The following TRIM58 variants were observed in gnomAD, a reference collection of about 807,000 sequenced individuals.
TRIM58 encodes the protein tripartite motif containing 58.
TRIM58 carries 38 observed loss-of-function variants against 34.1 expected under a neutral mutation model. The observed-to-expected ratio is 1.12, with a 90% CI of 0.86 to 1.46. The LOEUF (loss-of-function observed/expected upper bound fraction) is 1.46, where lower values mean the gene tolerates loss of function less well. Among genes scored for constraint, TRIM58 ranks in the 40% most tolerant of loss-of-function variants. The pLI is 0.00. For synonymous variants in TRIM58, 273 were observed against 275.7 expected, an observed-to-expected ratio of 0.99 and a Z score of 0.10; for missense variants, 677 against 642.0, an observed-to-expected ratio of 1.05 and a Z score of -0.59.
At chr1:247,860,804 C>T in intron 2 of TRIM58, 92 bp downstream of exon 2, 1 of 1,017,104 alleles carries the variant, frequency 9.8e-7, no homozygotes, top group South Asian at 1.4e-5. Context: ...TTCTCCAGCA[C>T]TTTTGTTCCA....
At chr1:247,861,635 CCTT>C (rs1663795079) in intron 2 of TRIM58, among the ~76,000 whole-genome samples, 1 of 151,874 alleles carries the variant, frequency 6.6e-6, no homozygotes, top group Non-Finnish European at 1.5e-5. Context: ...TCCAAATAAC[CCTT>C]CTTTTCTGAT....
At chr1:247,873,475 T>G (rs1343395044) in intron 5 of TRIM58, among the ~76,000 whole-genome samples, 1 of 152,174 alleles carries the variant, frequency 6.6e-6, no homozygotes, top group Non-Finnish European at 1.5e-5. Context: ...CCTGTTAGAT[T>G]GTGTTAAATG....
intron 5 of TRIM58, among the ~76,000 whole-genome samples, chr1:247,869,588 G>A (rs73139866): frequency 0.018 from 2,692 of 152,280 alleles, 80 homozygotes; most frequent in African/African-American, 0.061. Flanking sequence ...TAGGTATGGT[G>A]CCTCCTGCAC....
intron 5 of TRIM58, among the ~76,000 whole-genome samples, chr1:247,872,676 A>G (rs1236073336): frequency 6.6e-6 from 1 of 152,198 alleles, no homozygotes; most frequent in Non-Finnish European, 1.5e-5. Flanking sequence ...CAGTCAGCAT[A>G]TGAATGGAAT....
intron 3 of TRIM58, among the ~76,000 whole-genome samples, chr1:247,866,159 C>CT (rs1020154390): frequency 1.3e-5 from 2 of 151,802 alleles, no homozygotes; most frequent in African/African-American, 4.8e-5. Flanking sequence ...AATACAAGAA[C>CT]TTTGACGGTT....
chr1:247,872,771 T>C (rs139892209), intron 5 of TRIM58, among the ~76,000 whole-genome samples: 100 of 152,186 alleles, frequency 6.6e-4, no homozygotes, highest in African/African-American at 2.3e-3. Context: ...CTTGGGACTA[T>C]AGGTTTCTCC....
chr1:247,877,192 T>A lies in TRIM58; in HGVS notation c.*703T>A, dbSNP rs1054366742. The A allele has an allele frequency of 1.3e-5, 2 of 152,070 alleles. No homozygotes were observed. The highest frequency in any genetic ancestry group is 4.8e-5 in the African/African-American group (2 of 41,340). The allele number at this position is 152,070 out of a possible 1,614,324, so 9.4% of individuals were successfully genotyped here. A position where few individuals can be genotyped will look rare whatever the true frequency, so the allele number is the denominator to read the frequency against. ...AATCTAATATCACTAACTCCTAGAC[T>A]TTTTCCGTTTTCTTTGGATACACTT... On this transcript the variant is annotated 3_prime_UTR_variant, in exon 6 of 6. Coordinates refer to ENST00000366481, the MANE Select transcript of TRIM58 (RefSeq NM_015431.4).
chr1:247,858,860 T>G (rs1392551572), intron 1 of TRIM58, among the ~76,000 whole-genome samples: 1 of 145,288 alleles, frequency 6.9e-6, no homozygotes, highest in Non-Finnish European at 1.5e-5. Context: ...TCCCGGGTCC[T>G]GGTGCAAGCA....
intron 5 of TRIM58, among the ~76,000 whole-genome samples, chr1:247,869,765 T>C (rs75070952): frequency 0.028 from 4,317 of 152,304 alleles, 220 homozygotes; most frequent in African/African-American, 0.099. Context: ...CCCCTTTCCC[T>C]ATGAATGTTT....
In TRIM58 at chr1:247,857,520, G is replaced by A; in HGVS notation, c.274G>A (p.Gly92Arg). The change falls in exon 1 of 6, where the codon GGG becomes AGG. Residue 92 changes from glycine (G) to arginine (R), a missense_variant. Coordinates refer to ENST00000366481, the MANE Select transcript of TRIM58 (RefSeq NM_015431.4). Reference sequence around the variant, plus strand: ...GCGGCTGGGGTTGGGCGCGGGGCCCGGGGCGCGGCGATGCGCGCGGCACGG... The same window carrying A: ...GCGGCTGGGGTTGGGCGCGGGGCCCAGGGCGCGGCGATGCGCGCGGCACGG... The part of the protein sequence containing the change: ...VRRLGLGAGP[G>R]ARRCARHGED... 7.8e-7 allele frequency: 1 copy of A among 1,285,660 alleles called. No individual in the cohort carries two copies. The highest frequency in any genetic ancestry group is 2.7e-5 in the South Asian group (1 of 36,516). The allele number at this position is 1,285,660 out of a possible 1,614,324, so 79.6% of individuals were successfully genotyped here. A position where few individuals can be genotyped will look rare whatever the true frequency, so the allele number is the denominator to read the frequency against.
At position 247,864,751 on chromosome 1, in the gene TRIM58, A is replaced by T. The variant is rs757135493; in HGVS notation, c.563A>T (p.Lys188Met). ...QRQRFRLEFE[K>M]HRGFLAQEEQ... Reference sequence around the variant, plus strand: ...CAGCGCTTCAGATTGGAGTTTGAGAAGCATCGTGGCTTTCTGGCCCAGGAG... The same window carrying T: ...CAGCGCTTCAGATTGGAGTTTGAGATGCATCGTGGCTTTCTGGCCCAGGAG... Residue 188 changes from lysine to methionine, a missense_variant, in exon 3 of 6, where the codon AAG becomes ATG. Transcript: ENST00000366481. 1 of 1,614,192 alleles carries T rather than the reference A, an allele frequency of 6.2e-7. No individual in the cohort carries two copies. The highest frequency in any genetic ancestry group is 8.5e-7 in the Non-Finnish European group (1 of 1,180,040).
chr1:247,867,436 G>A (rs1400369310), intron 3 of TRIM58, among the ~76,000 whole-genome samples: 3 of 152,194 alleles, frequency 2.0e-5, no homozygotes, highest in South Asian at 4.1e-4. Flanking sequence ...ACTCACGCCT[G>A]TAATCCCAGC....
In TRIM58 at chr1:247,876,375, C is replaced by T; in HGVS notation, c.1347C>T (p.Phe449=). 6.2e-7 allele frequency: 1 copy of T among 1,614,192 alleles called. No homozygotes were observed. The highest frequency in any genetic ancestry group is 8.5e-7 in the Non-Finnish European group (1 of 1,180,036). The change falls in exon 6 of 6, where the codon TTC becomes TTT. Residue 449 remains phenylalanine (F), a synonymous_variant. Coordinates refer to ENST00000366481, the MANE Select transcript of TRIM58 (RefSeq NM_015431.4). ...LFSGLLRPYF[F]ICDATPLILP... is the part of the protein sequence containing the mutation. ...CTGGTCTTCTTCGGCCTTACTTTTT[C>T]ATCTGTGATGCAACTCCTCTTATCT...
intron 2 of TRIM58, among the ~76,000 whole-genome samples, chr1:247,863,660 G>A (rs1258874546): frequency 6.6e-6 from 1 of 152,032 alleles, no homozygotes; most frequent in Non-Finnish European, 1.5e-5. Flanking sequence ...CGATAAAACA[G>A]GACAGAGAAT....
chr1:247,857,856 C>T (rs1186786420), intron 1 of TRIM58, among the ~76,000 whole-genome samples, 190 bp downstream of exon 1: 1 of 152,238 alleles, frequency 6.6e-6, no homozygotes, highest in East Asian at 1.9e-4. Flanking sequence ...TGGTAACCCC[C>T]TTTGCGACAC....
At chr1:247,867,654 T>C (rs1558350890) in intron 3 of TRIM58, among the ~76,000 whole-genome samples, 191 bp from the exon 4 acceptor site, 1 of 151,960 alleles carries the variant, frequency 6.6e-6, no homozygotes, top group African/African-American at 2.4e-5. Context: ...GCCATTGCAC[T>C]CCAGCAGCCT....
intron 2 of TRIM58, among the ~76,000 whole-genome samples, chr1:247,862,909 T>C (rs1663828442): frequency 6.6e-6 from 1 of 152,158 alleles, no homozygotes; most frequent in Non-Finnish European, 1.5e-5. Flanking sequence ...GCAAATCGCT[T>C]CCCACCTTCC....
chr1:247,857,504 G>A lies in TRIM58; in HGVS notation c.258G>A (p.Gly86=). The A allele has an allele frequency of 7.7e-7, 1 of 1,297,632 alleles. No individual in the cohort carries two copies. The highest frequency in any genetic ancestry group is 9.8e-7 in the Non-Finnish European group (1 of 1,025,028). 80.4% of individuals were successfully genotyped at this position (1,297,632 alleles called of 1,614,324 possible). Residue 86 remains glycine (G), a synonymous_variant, in exon 1 of 6, where the codon GGG becomes GGA. Coordinates refer to ENST00000366481, the MANE Select transcript of TRIM58 (RefSeq NM_015431.4). ...AGLVESVRRL[G]LGAGPGARRC... ...TGGTGGAGAGCGTGCGGCGGCTGGG[G>A]TTGGGCGCGGGGCCCGGGGCGCGGC...
At chr1:247,868,109 A>G (rs984270440) in intron 5 of TRIM58, 46 bp downstream of exon 5, 3 of 1,504,588 alleles carry the variant, frequency 2.0e-6, no homozygotes, top group Non-Finnish European at 2.7e-6. Context: ...TGGGGTTTGA[A>G]GAAGTTCCAA....
Sources: gnomAD v4.1 joint callset for allele counts (sites outside exome capture counted in the v4.1 genomes callset) on GRCh38, gnomAD v4.1.1 for gene constraint, MANE v1.5 for transcripts, NCBI Gene and HGNC (gene_info 2026-07-23, HGNC 2026-07-21) for gene names.